ILRUN: variants seen among roughly 807,000 people sequenced by gnomAD.
ILRUN encodes the protein protein ILRUN.
ILRUN carries 3 observed loss-of-function variants against 33.8 expected under a neutral mutation model. That is an observed-to-expected ratio of 0.09 (90% CI 0.04 to 0.23). The LOEUF is 0.23. Ranked by LOEUF, ILRUN falls within the 10% of genes least tolerant of loss-of-function variation. The pLI is 1.00. For missense variants in ILRUN, 210 were observed against 375.1 expected (o/e 0.56, Z 3.64); for synonymous variants, 124 against 138.9 (o/e 0.89, Z 0.75).
At chr6:34,633,729 C>T (rs902426465) in intron 3 of ILRUN, among the ~76,000 whole-genome samples, 3 of 150,652 alleles carry the variant, frequency 2.0e-5, no homozygotes, top group Admixed American at 6.6e-5. Context: ...TGGTGGTGTG[C>T]GCCTGTAGTC....
At chr6:34,691,699 G>A (rs987560220) in intron 1 of ILRUN, among the ~76,000 whole-genome samples, 2 of 152,126 alleles carry the variant, frequency 1.3e-5, no homozygotes, top group African/African-American at 4.8e-5. Context: ...GGGAGGCTGA[G>A]GCAGGAGAAT....
intron 3 of ILRUN, among the ~76,000 whole-genome samples, chr6:34,644,319 T>A (rs1018918214): frequency 1.3e-5 from 2 of 152,198 alleles, no homozygotes; most frequent in African/African-American, 4.8e-5. Flanking sequence ...GTAGCTATTC[T>A]CCATTCTGCA....
At chr6:34,623,722 T>C (rs1762055413) in intron 3 of ILRUN, among the ~76,000 whole-genome samples, 1 of 152,222 alleles carries the variant, frequency 6.6e-6, no homozygotes, top group Admixed American at 6.5e-5. Context: ...TTGGCATTAA[T>C]GTTGAAAAGC....
At chr6:34,651,765 A>C (rs966368574) in intron 2 of ILRUN, among the ~76,000 whole-genome samples, 16 of 146,974 alleles carry the variant, frequency 1.1e-4, no homozygotes, top group East Asian at 5.9e-4. Flanking sequence ...ATATATATAT[A>C]TCTCACTGGT....
chr6:34,660,679 A>G (rs1333809244), intron 1 of ILRUN, among the ~76,000 whole-genome samples: 1 of 152,080 alleles, frequency 6.6e-6, no homozygotes, highest in Non-Finnish European at 1.5e-5. Flanking sequence ...ATTTGGCCGG[A>G]AAAAGGCTCA....
chr6:34,684,027 G>A (rs1763463641), intron 1 of ILRUN, among the ~76,000 whole-genome samples: 1 of 151,906 alleles, frequency 6.6e-6, no homozygotes, highest in African/African-American at 2.4e-5. Flanking sequence ...GCAGTGAGCA[G>A]TGATCCCGCC....
At chr6:34,611,029 A>G (rs1214469623) in intron 3 of ILRUN, among the ~76,000 whole-genome samples, 1 of 149,204 alleles carries the variant, frequency 6.7e-6, no homozygotes, top group Admixed American at 6.7e-5. Context: ...TGGGCAACAC[A>G]GTGAGACTTC....
chr6:34,606,931 A>G, intron 3 of ILRUN, 27 bp from the exon 4 acceptor site: 1 of 1,567,906 alleles, frequency 6.4e-7, no homozygotes, highest in Non-Finnish European at 8.7e-7. Context: ...ACTCATTTCA[A>G]TGCCAGGCTT....
intron 3 of ILRUN, among the ~76,000 whole-genome samples, chr6:34,614,401 G>A (rs1462853328): frequency 2.1e-5 from 3 of 143,126 alleles, no homozygotes; most frequent in East Asian, 2.0e-4. Context: ...CAGCCTGGGC[G>A]ACAGAGCAAG....
rs1761263693 is a variant in ILRUN, at chr6:34,589,919, G to C, written c.*646C>G. On this transcript the variant is annotated 3_prime_UTR_variant, in exon 5 of 5. Transcript: ENST00000374023. ...GTTGACGAATACAAATGTCAAAGGT[G>C]TAAATCAACAGAAGATTAAAGAGAA... The C allele has an allele frequency of 6.6e-6, 1 of 152,136 alleles. No individual in the cohort carries two copies. The highest frequency in any genetic ancestry group is 2.1e-4 in the South Asian group (1 of 4,828). The allele number at this position is 152,136 out of a possible 1,614,324, so 9.4% of individuals were successfully genotyped here.
At chr6:34,604,366 G>A (rs1449214091) in intron 4 of ILRUN, among the ~76,000 whole-genome samples, 1 of 152,174 alleles carries the variant, frequency 6.6e-6, no homozygotes, top group African/African-American at 2.4e-5. Context: ...AGTCCCTAAA[G>A]GAGAGGAAAA....
chr6:34,618,397 C>T (rs1039647856), intron 3 of ILRUN, among the ~76,000 whole-genome samples: 7 of 152,174 alleles, frequency 4.6e-5, no homozygotes, highest in Non-Finnish European at 5.9e-5. Context: ...AATTGCTAAA[C>T]TGCCCTTGCT....
In ILRUN at chr6:34,672,224, C is replaced by A. The variant is rs181824889; in HGVS notation, c.159-17445G>T. Among the ~76,000 whole-genome samples the A allele has an allele frequency of 3.9e-4, 60 of 152,048 alleles. 1 individual carries two copies. Among genetic ancestry groups the A allele is most frequent in the South Asian group, 2.1e-4 (1 of 4,804 alleles). ...TTCTCCTGCCTCAGCCTCCCGAGAACCTGGAACTACAGGTGTGCACCACCA... is the reference window on the plus strand; with the variant it reads ...TTCTCCTGCCTCAGCCTCCCGAGAAACTGGAACTACAGGTGTGCACCACCA... On this transcript the variant is annotated intron_variant, in intron 1 of 4. Transcript: ENST00000374023.
intron 4 of ILRUN, among the ~76,000 whole-genome samples, chr6:34,599,506 C>A (rs1456546627): frequency 6.6e-6 from 1 of 152,136 alleles, no homozygotes; most frequent in Non-Finnish European, 1.5e-5. Flanking sequence ...GCCAGGCATG[C>A]TGCTAACCAC....
intron 2 of ILRUN, among the ~76,000 whole-genome samples, chr6:34,654,403 G>C (rs1410250107): frequency 1.3e-5 from 2 of 152,150 alleles, no homozygotes; most frequent in African/African-American, 4.8e-5. Context: ...TAAGTTATAG[G>C]TGGCTTAAAA....
At chr6:34,615,360 C>T (rs1186193823) in intron 3 of ILRUN, among the ~76,000 whole-genome samples, 8 of 152,102 alleles carry the variant, frequency 5.3e-5, no homozygotes, top group Non-Finnish European at 2.9e-5. Flanking sequence ...CTTTGGGAGG[C>T]TGAGGTGGGT....
chr6:34,631,222 G>A (rs1297890054), intron 3 of ILRUN, among the ~76,000 whole-genome samples: 14 of 152,130 alleles, frequency 9.2e-5, no homozygotes, highest in Admixed American at 2.6e-4. Context: ...CTGTAGTAAA[G>A]AAGCCAGTAG....
chr6:34,680,520 A>G lies in ILRUN; in HGVS notation c.158+15926T>C, dbSNP rs895171188. Among the ~76,000 whole-genome samples the G allele has an allele frequency of 2.6e-5, 4 of 152,008 alleles. No homozygotes were observed. In the East Asian group the frequency reaches 7.7e-4, roughly 29 times the overall value. On this transcript the variant is annotated intron_variant, in intron 1 of 4. Coordinates refer to ENST00000374023, the MANE Select transcript of ILRUN (RefSeq NM_024294.4). ...CGCTCTGCTGCCCAGACTGGAGTGCAGTGGCGCCATCTCGGCTCACTGAAA... is the reference window on the plus strand; with the variant it reads ...CGCTCTGCTGCCCAGACTGGAGTGCGGTGGCGCCATCTCGGCTCACTGAAA...
chr6:34,649,356 A>G (rs949456772), intron 2 of ILRUN, among the ~76,000 whole-genome samples: 2 of 152,204 alleles, frequency 1.3e-5, no homozygotes, highest in African/African-American at 4.8e-5. Context: ...CGAGAAGTAT[A>G]ATAGAACTGG....
Sources: gnomAD v4.1 joint callset for allele counts (sites outside exome capture counted in the v4.1 genomes callset) on GRCh38, gnomAD v4.1.1 for gene constraint, MANE v1.5 for transcripts, NCBI Gene and HGNC (gene_info 2026-07-23, HGNC 2026-07-21) for gene names.